The following MED23 variants were observed in gnomAD, a reference collection of about 807,000 sequenced individuals.
The protein encoded by MED23 is mediator of RNA polymerase II transcription subunit 23.
A neutral mutation model predicts 163.9 loss-of-function variants in MED23; 105 were observed. The observed-to-expected ratio is 0.64, with a 90% CI of 0.55 to 0.75. The LOEUF is 0.75. Among genes scored for constraint, MED23 ranks in the 30% least tolerant of loss-of-function variants. The probability of loss-of-function intolerance (pLI) is 0.00; values close to 1 mark genes in which losing one functional copy is unlikely to be tolerated. For synonymous variants in MED23, 561 were observed against 565.6 expected (o/e 0.99, Z 0.12); for missense variants, 1,054 against 1,649.0 (o/e 0.64, Z 6.25).
chr6:131,623,493 C>T (rs1777260819), intron 4 of MED23, 31 bp from the exon 5 acceptor site: 3 of 1,585,342 alleles, frequency 1.9e-6, no homozygotes, highest in Non-Finnish European at 1.7e-6. Flanking sequence ...ATTCCAGTTA[C>T]AAGACAGAAT....
In MED23 at chr6:131,610,270, G is replaced by A. The variant is rs1776182116; in HGVS notation, c.877-24C>T. On this transcript the variant is annotated intron_variant, in intron 10 of 28. Transcript: ENST00000368068. Reference sequence around the variant, plus strand: ...TGCTGTAGGGCAGAGATTAAATACAGTATTCCAAAAGCCTCTCGGTTAGTT... The same window carrying A: ...TGCTGTAGGGCAGAGATTAAATACAATATTCCAAAAGCCTCTCGGTTAGTT... The A allele has an allele frequency of 2.2e-5, 35 of 1,610,268 alleles. No individual in the cohort carries two copies. In the East Asian group the frequency reaches 7.6e-4, roughly 35 times the overall value.
intron 16 of MED23, 47 bp downstream of exon 16, chr6:131,602,983 A>G (rs1433765390): frequency 1.3e-6 from 2 of 1,588,878 alleles, no homozygotes; most frequent in Non-Finnish European, 1.7e-6. Context: ...CATCTCCAAG[A>G]AAGTTTCTAA....
At chr6:131,605,510 A>G in intron 13 of MED23, 25 bp from the exon 14 acceptor site, 1 of 1,540,428 alleles carries the variant, frequency 6.5e-7, no homozygotes, top group Non-Finnish European at 8.7e-7. Context: ...TCCATTAAAA[A>G]GAAAAAATGA....
downstream of MED23, chr6:131,583,431 G>C (rs751567681): frequency 6.2e-7 from 1 of 1,614,126 alleles, no homozygotes; most frequent in South Asian, 1.1e-5. Context: ...TGGCACACCA[G>C]TCGTGGGAGG....
At chr6:131,618,320 G>GAAGC in intron 9 of MED23, 87 bp downstream of exon 9, 1 of 877,158 alleles carries the variant, frequency 1.1e-6, no homozygotes, top group Non-Finnish European at 1.9e-6. Flanking sequence ...TTCAGATTAT[G>GAAGC]AAGCAACAAT....
intron 26 of MED23, 110 bp downstream of exon 26, chr6:131,591,203 C>T (rs942435401): frequency 6.3e-6 from 5 of 797,936 alleles, no homozygotes; most frequent in East Asian, 2.6e-5. Flanking sequence ...TGGTCTCAAT[C>T]GCCTGACCTT....
Position 131,598,454 on chromosome 6 carries a change from TTCTC to T in MED23, c.2436_2439del (p.Arg813LeufsTer7), listed in dbSNP as rs1249402991. 1 of 1,614,164 alleles carries T rather than the reference TTCTC, an allele frequency of 6.2e-7. No homozygotes were observed. ...TGGGCTACCAAGGCCCTGGCTCCAA[TTCTC>T]TCTAATACTCTGGAAGGCAGAGAGT... On this transcript the variant is annotated frameshift_variant, in exon 20 of 29. Transcript: ENST00000368068. LOFTEE classifies it high-confidence loss of function. The surrounding 1 kb of genome is among the most constrained non-coding windows in gnomAD (Gnocchi z 4.7).
At chr6:131,619,730 C>T in intron 8 of MED23, 97 bp downstream of exon 8, 1 of 928,922 alleles carries the variant, frequency 1.1e-6, no homozygotes. Context: ...TGACAAGCCA[C>T]CAAGGCACAT....
intron 5 of MED23, 117 bp from the exon 6 acceptor site, chr6:131,622,096 A>G (rs1777153149): frequency 1.5e-6 from 1 of 673,768 alleles, no homozygotes; most frequent in South Asian, 1.8e-5. Flanking sequence ...AATTTTCTGA[A>G]TCAGTTACAA....
At chr6:131,592,807 C>T (rs1292131178) in intron 24 of MED23, 199 bp downstream of exon 24, 3 of 661,160 alleles carry the variant, frequency 4.5e-6, no homozygotes, top group African/African-American at 1.8e-5. Context: ...GAAGTAGGAA[C>T]AAACCCGGAT....
rs1181914267 is a variant in MED23 at position 131,624,937 on chromosome 6, T to C, written c.212A>G (p.His71Arg). The change falls in exon 4 of 29, where the codon CAT becomes CGT. Residue 71 changes from histidine (H) to arginine (R), a missense_variant. By Grantham distance (29) the His-to-Arg change is conservative. Coordinates refer to ENST00000368068, the MANE Select transcript of MED23 (RefSeq NM_004830.4). Reference sequence around the variant, plus strand: ...AAGAAAAGAAATTCTTTTAGGACTATGCTGACCATGAATAAACTTAACAAT... The same window carrying C: ...AAGAAAAGAAATTCTTTTAGGACTACGCTGACCATGAATAAACTTAACAAT... ...QWIVKFIHGQ[H>R]SPKRISFLYD... The C allele has an allele frequency of 3.7e-6, 6 of 1,613,858 alleles. No homozygotes were observed. Among genetic ancestry groups the C allele is most frequent in the Admixed American group, 1.7e-5 (1 of 60,026 alleles).
Position 131,596,246 on chromosome 6 carries a change from A to C in MED23, c.2779-83T>G, listed in dbSNP as rs1165539784. 15 of 1,285,506 alleles carry C rather than the reference A, an allele frequency of 1.2e-5. No individual in the cohort carries two copies. In the East Asian group the frequency reaches 3.6e-4, roughly 31 times the overall value. The allele number at this position is 1,285,506 out of a possible 1,614,324, so 79.6% of individuals were successfully genotyped here. A position where few individuals can be genotyped will look rare whatever the true frequency, so the allele number is the denominator to read the frequency against. ...AGAGCTAAATGTGAAAACATTGTTT[A>C]GATTTTTTTTTGCAAGGAAACATTT... On this transcript the variant is annotated intron_variant, in intron 21 of 28. Transcript: ENST00000368068.
In MED23 at chr6:131,615,997, C is replaced by A. The variant is rs1379525614; in HGVS notation, c.786G>T (p.Leu262=). Residue 262 remains leucine, a synonymous_variant, in exon 10 of 29, where the codon CTG becomes CTT. Transcript: ENST00000368068. ...LKGLLPYDKD[L]FEPQTALLRY... is the part of the protein sequence containing the mutation. ...TCAACAAAGCAGTCTGTGGTTCAAA[C>A]AGATCCTTTAAAGAAAATAAGAAAA... The A allele has an allele frequency of 1.9e-6, 3 of 1,611,344 alleles. No individual in the cohort carries two copies. The highest frequency in any genetic ancestry group is 1.7e-5 in the Admixed American group (1 of 59,970).
chr6:131,601,090 T>C (rs1021746235), intron 17 of MED23, among the ~76,000 whole-genome samples: 1 of 152,014 alleles, frequency 6.6e-6, no homozygotes, highest in African/African-American at 2.4e-5. Context: ...GACAGAAAAC[T>C]ATAGCTAGCT....
At chr6:131,582,934 TATTG>T, downstream of MED23, 1 of 795,842 alleles carries the variant, frequency 1.3e-6, no homozygotes, top group Admixed American at 2.7e-5. Flanking sequence ...AATAAAACTA[TATTG>T]AGTTAGGTTC....
At chr6:131,577,904 C>CA (rs574140142) in intron 30 of MED23, among the ~76,000 whole-genome samples, 2,729 of 74,574 alleles carry the variant, frequency 0.037, 71 homozygotes, top group African/African-American at 0.09. Context: ...ACTCCATCTC[C>CA]AAAAAAAAAA....
At chr6:131,612,395 T>G (rs1053500339) in intron 10 of MED23, among the ~76,000 whole-genome samples, 4 of 152,028 alleles carry the variant, frequency 2.6e-5, no homozygotes, top group African/African-American at 9.7e-5. Context: ...AAATTAAGAC[T>G]CTCTACTACA....
rs371431789 is a variant in MED23 at position 131,580,987 on chromosome 6, TCA to T, written c.4096-6694_4096-6693del. On this transcript the variant is annotated intron_variant, in intron 30 of 30. Coordinates refer to the MED23 transcript ENST00000354577. The stretch of plus-strand genomic sequence containing the variant: ...ACAAGGTGGATTTTGGGAAAAAAAA[TCA>T]CAGTTTTTTTAGTAATGCAATCGAT... Among the ~76,000 whole-genome samples, 38 of 152,282 alleles carry T rather than the reference TCA, an allele frequency of 2.5e-4. No homozygotes were observed. In the East Asian group the frequency reaches 2.5e-3, roughly 10 times the overall value.
In MED23 at chr6:131,603,298, T is replaced by C; in HGVS notation, c.1757-94A>G. The C allele has an allele frequency of 3.9e-6, 5 of 1,267,326 alleles. No individual in the cohort carries two copies. The Middle Eastern group carries it at 7.4e-4, about 189-fold the overall frequency. The allele number at this position is 1,267,326 out of a possible 1,614,324, so 78.5% of individuals were successfully genotyped here. A position where few individuals can be genotyped will look rare whatever the true frequency, so the allele number is the denominator to read the frequency against. ...TCACATTGAGTAAAATATAAAGATT[T>C]GATTGTGAAAATACACACGCCCACA... On this transcript the variant is annotated intron_variant, in intron 15 of 28. Coordinates refer to ENST00000368068, the MANE Select transcript of MED23 (RefSeq NM_004830.4).
Sources: allele counts gnomAD v4.1 joint callset (sites outside exome capture counted in the v4.1 genomes callset), GRCh38; gene constraint gnomAD v4.1.1; non-coding constraint Gnocchi (gnomAD v3.1); transcripts MANE v1.5; gene names NCBI Gene and HGNC (gene_info 2026-07-23, HGNC 2026-07-21).